The following ADGRL3 variants were observed in gnomAD, a reference collection of about 807,000 sequenced individuals.
The protein encoded by ADGRL3 is calcium-independent alpha-latrotoxin receptor 3.
A neutral mutation model predicts 153.5 loss-of-function variants in ADGRL3; 62 were observed. The observed-to-expected ratio is 0.40, with a 90% confidence interval of 0.33 to 0.50. The LOEUF (loss-of-function observed/expected upper bound fraction) is 0.50, where lower values mean the gene tolerates loss of function less well. Among genes scored for constraint, ADGRL3 ranks in the 20% least tolerant of loss-of-function variants. The pLI is 0.47. For missense variants in ADGRL3, 1,641 were observed against 1,859.4 expected (o/e 0.88, Z 2.16); for synonymous variants, 710 against 672.5 (o/e 1.06, Z -0.86).
chr4:61,371,448 G>T (rs76579537), intron 1 of ADGRL3, among the ~76,000 whole-genome samples: 41 of 151,948 alleles, frequency 2.7e-4, no homozygotes, highest in Admixed American at 1.3e-3. Flanking sequence ...TCTCTCAGCA[G>T]TTGCTTGTCT....
At chr4:61,987,341 T>C (rs1330023358) in intron 19 of ADGRL3, among the ~76,000 whole-genome samples, 1 of 151,594 alleles carries the variant, frequency 6.6e-6, no homozygotes, top group African/African-American at 2.4e-5. Context: ...GCCCGTCTAA[T>C]TTTGTATTTT....
chr4:61,282,126 A>G (rs1332735921), intron 1 of ADGRL3, among the ~76,000 whole-genome samples: 1 of 152,096 alleles, frequency 6.6e-6, no homozygotes, highest in East Asian at 1.9e-4. Context: ...TGATAACTTC[A>G]GTCTCCTCTA....
At chr4:61,672,897 A>C (rs1459276771) in intron 5 of ADGRL3, among the ~76,000 whole-genome samples, 1 of 152,048 alleles carries the variant, frequency 6.6e-6, no homozygotes, top group Non-Finnish European at 1.5e-5. Context: ...AGTACTGTTC[A>C]CAATAAATAA....
At chr4:61,726,637 A>G (rs2096352379) in intron 6 of ADGRL3, among the ~76,000 whole-genome samples, 1 of 152,128 alleles carries the variant, frequency 6.6e-6, no homozygotes, top group Admixed American at 6.6e-5. Context: ...TTTCTGCCAT[A>G]TCCCAACTGC....
At chr4:61,871,676 G>A (rs947217412) in intron 9 of ADGRL3, among the ~76,000 whole-genome samples, 23 of 152,204 alleles carry the variant, frequency 1.5e-4, no homozygotes, top group African/African-American at 4.6e-4. Flanking sequence ...GTTATAAAAT[G>A]TTCTAAAATT....
intron 6 of ADGRL3, among the ~76,000 whole-genome samples, chr4:61,685,262 C>G (rs1219361451): frequency 1.3e-5 from 2 of 151,998 alleles, no homozygotes; most frequent in African/African-American, 4.8e-5. Flanking sequence ...TAAGTTCTTA[C>G]AGCAGCAATA....
At chr4:62,040,798 C>T (rs1016903097) in intron 24 of ADGRL3, among the ~76,000 whole-genome samples, 9 of 152,022 alleles carry the variant, frequency 5.9e-5, no homozygotes. Context: ...ATGATGATGT[C>T]AATTAGCCAG....
intron 17 of ADGRL3, among the ~76,000 whole-genome samples, chr4:61,956,711 G>A (rs879008395): frequency 6.6e-6 from 1 of 152,142 alleles, no homozygotes; most frequent in Admixed American, 6.5e-5. Context: ...GTTAATTTGT[G>A]TATAAGGTAT....
chr4:61,807,130 T>A (rs1485869029), intron 8 of ADGRL3, among the ~76,000 whole-genome samples: 2 of 152,120 alleles, frequency 1.3e-5, no homozygotes, highest in South Asian at 2.1e-4. Context: ...ATTATGAGTT[T>A]CAAGAGTTAA....
At chr4:61,425,904 T>C (rs1393151383) in intron 2 of ADGRL3, among the ~76,000 whole-genome samples, 2 of 152,326 alleles carry the variant, frequency 1.3e-5, no homozygotes, top group Non-Finnish European at 2.9e-5. Context: ...ATCCTGCCTT[T>C]AGGTGCATTG....
At chr4:61,277,220 G>A (rs1346822323) in intron 1 of ADGRL3, among the ~76,000 whole-genome samples, 1 of 152,034 alleles carries the variant, frequency 6.6e-6, no homozygotes, top group Non-Finnish European at 1.5e-5. Context: ...TTATTCTCTT[G>A]AGCCTCAAGT....
intron 2 of ADGRL3, among the ~76,000 whole-genome samples, chr4:61,410,903 A>G (rs2097078950): frequency 6.6e-6 from 1 of 152,216 alleles, no homozygotes; most frequent in Admixed American, 6.5e-5. Context: ...GGTCTGAATC[A>G]AGTAACTGAG....
chr4:61,847,887 T>C (rs182928642), intron 9 of ADGRL3, among the ~76,000 whole-genome samples: 1 of 22,962 alleles, frequency 4.4e-5, no homozygotes. Flanking sequence ...ATATATAATA[T>C]AAAATATATT....
chr4:61,768,944 G>T (rs558478028), intron 8 of ADGRL3, among the ~76,000 whole-genome samples: 1 of 151,844 alleles, frequency 6.6e-6, no homozygotes, highest in Non-Finnish European at 1.5e-5. Flanking sequence ...GGAAATACGC[G>T]ATTGGGGCAC....
chr4:61,232,675 A>G (rs1751230681), intron 1 of ADGRL3, among the ~76,000 whole-genome samples: 2 of 152,084 alleles, frequency 1.3e-5, no homozygotes, highest in African/African-American at 2.4e-5. Context: ...AGCACTTGCT[A>G]TTATTATTAT....
intron 3 of ADGRL3, among the ~76,000 whole-genome samples, chr4:61,506,762 A>G (rs1388348737): frequency 6.6e-6 from 1 of 152,144 alleles, no homozygotes; most frequent in Non-Finnish European, 1.5e-5. Flanking sequence ...CATTGTTTTG[A>G]CTAAATGTAA....
intron 2 of ADGRL3, among the ~76,000 whole-genome samples, chr4:61,447,778 CT>C (rs2097603352): frequency 6.6e-6 from 1 of 152,100 alleles, no homozygotes; most frequent in African/African-American, 2.4e-5. Context: ...AGAAGCTGTT[CT>C]CATTGAACAC....
intron 20 of ADGRL3, among the ~76,000 whole-genome samples, chr4:61,997,558 G>A (rs978827322): frequency 6.6e-6 from 1 of 152,064 alleles, no homozygotes; most frequent in Non-Finnish European, 1.5e-5. Context: ...GTTTACTTGT[G>A]TGTGATATAT....
At chr4:61,602,071 C>T (rs1441323123) in intron 5 of ADGRL3, among the ~76,000 whole-genome samples, 1 of 144,464 alleles carries the variant, frequency 6.9e-6, no homozygotes, top group Non-Finnish European at 1.6e-5. Context: ...AATAAGTAAA[C>T]GGTTAATAAA....
Sources: allele counts gnomAD v4.1 joint callset (sites outside exome capture counted in the v4.1 genomes callset), GRCh38; gene constraint gnomAD v4.1.1; transcripts MANE v1.5; gene names NCBI Gene and HGNC (gene_info 2026-07-23, HGNC 2026-07-21).